SMAP2: variants seen among roughly 807,000 people sequenced by gnomAD.
The protein encoded by SMAP2 is stromal membrane-associated protein 2.
A neutral mutation model predicts 56.4 loss-of-function variants in SMAP2; 25 were observed. The ratio of observed to expected loss-of-function variants is 0.44; its 90% confidence interval spans 0.32 to 0.62. SMAP2 has a LOEUF of 0.62. SMAP2 is among the 20% of genes least tolerant of loss of function. SMAP2 has a pLI of 0.04. For missense variants in SMAP2, 388 were observed against 545.6 expected (o/e 0.71, Z 2.88); for synonymous variants, 157 against 181.7 (o/e 0.86, Z 1.09).
Position 40,386,790 on chromosome 1 carries a change from C to T in SMAP2, c.103+12567C>T, listed in dbSNP as rs929305862. 2.0e-5 allele frequency among the ~76,000 whole-genome samples: 3 copies of T among 151,632 alleles called. No homozygotes were observed. Among genetic ancestry groups the T allele is most frequent in the Admixed American group, 6.6e-5 (1 of 15,230 alleles). Reference sequence around the variant, plus strand: ...TATCTTTTATGATTCTGAAACCTATCCACGATAAAAATCATTGGAAAGTAT... The same window carrying T: ...TATCTTTTATGATTCTGAAACCTATTCACGATAAAAATCATTGGAAAGTAT... On this transcript the variant is annotated intron_variant, in intron 1 of 9. Coordinates refer to ENST00000372718, the MANE Select transcript of SMAP2 (RefSeq NM_022733.3). The surrounding 1 kb of genome is among the most constrained non-coding windows in gnomAD (Gnocchi z 4.1).
chr1:40,418,195 A>G (rs1415756549), intron 9 of SMAP2, among the ~76,000 whole-genome samples: 1 of 152,234 alleles, frequency 6.6e-6, no homozygotes, highest in East Asian at 1.9e-4. Context: ...GCATGCTGTG[A>G]AATGAAAGTT....
chr1:40,382,623 A>G (rs1486186193), intron 1 of SMAP2, among the ~76,000 whole-genome samples: 1 of 152,246 alleles, frequency 6.6e-6, no homozygotes, highest in African/African-American at 2.4e-5. Context: ...CACATTGAAA[A>G]GGTAAGAACC....
chr1:40,422,074 G>T lies in SMAP2; in HGVS notation c.1263G>T (p.Gln421His). Residue 421 changes from glutamine to histidine, a missense_variant, in exon 10 of 10, where the codon CAG becomes CAT. Transcript: ENST00000372718. Reference sequence around the variant, plus strand: ...GCGGAAATGGACAGGCAGCAAATCAGACTCTCAGTCCTCAGATGTGGAAAT... The same window carrying T: ...GCGGAAATGGACAGGCAGCAAATCATACTCTCAGTCCTCAGATGTGGAAAT... The part of the protein sequence containing the change: ...MSGGNGQAAN[Q>H]TLSPQMWK 1 of 1,614,132 alleles carries T rather than the reference G, an allele frequency of 6.2e-7. No homozygotes were observed. Among genetic ancestry groups the T allele is most frequent in the Non-Finnish European group, 8.5e-7 (1 of 1,180,024 alleles).
intron 1 of SMAP2, chr1:40,403,737 C>A: frequency 2.6e-6 from 2 of 780,660 alleles, no homozygotes; most frequent in Non-Finnish European, 3.1e-6. Flanking sequence ...GAAACTAAGG[C>A]TCAGGAAATG....
intron 1 of SMAP2, among the ~76,000 whole-genome samples, chr1:40,398,220 G>A (rs1557439954): frequency 6.6e-6 from 1 of 151,572 alleles, no homozygotes; most frequent in Non-Finnish European, 1.5e-5. Flanking sequence ...CTGTGCATAC[G>A]CGTACATTTA....
chr1:40,421,558 CTGACAG>C (rs902451438), intron 9 of SMAP2, among the ~76,000 whole-genome samples: 4 of 152,176 alleles, frequency 2.6e-5, no homozygotes, highest in African/African-American at 9.7e-5. Flanking sequence ...TTCCCTGACA[CTGACAG>C]TAATAGCTGT....
chr1:40,380,674 C>T (rs1368362850), intron 1 of SMAP2, among the ~76,000 whole-genome samples: 2 of 151,898 alleles, frequency 1.3e-5, no homozygotes, highest in Non-Finnish European at 2.9e-5. Flanking sequence ...GGATTAGAGA[C>T]GCCTGCCACC....
rs967011684 is a variant in SMAP2, at chr1:40,407,770, G to A, written c.238-883G>A. On this transcript the variant is annotated intron_variant, in intron 2 of 9. Transcript: ENST00000372718. ...AAAAGTATATTAAATAGGACAATGT[G>A]TATATTAGATTTATTGTTATCATCT... Among the ~76,000 whole-genome samples the A allele has an allele frequency of 9.2e-5, 14 of 152,186 alleles. 1 individual carries two copies. The highest frequency in any genetic ancestry group is 5.8e-4 in the East Asian group (3 of 5,186).
chr1:40,398,430 A>G (rs376556346), intron 1 of SMAP2, among the ~76,000 whole-genome samples: 11 of 152,270 alleles, frequency 7.2e-5, no homozygotes, highest in East Asian at 5.8e-4. Context: ...GAATTGTTTC[A>G]TGTGTACTCT....
chr1:40,411,975 C>T (rs1052821798), intron 4 of SMAP2, among the ~76,000 whole-genome samples: 4 of 151,974 alleles, frequency 2.6e-5, no homozygotes, highest in Admixed American at 1.3e-4. Flanking sequence ...ACTTCTCGTG[C>T]CTTCATTCCA....
At chr1:40,357,382 G>A (rs1019282304) in intron 1 of SMAP2, among the ~76,000 whole-genome samples, 12 of 152,066 alleles carry the variant, frequency 7.9e-5, no homozygotes, top group African/African-American at 2.9e-4. Context: ...TTGAACCTGG[G>A]AGGCAGAAGT....
chr1:40,415,419 T>A (rs1427402501), intron 7 of SMAP2, 38 bp downstream of exon 7: 1 of 1,303,094 alleles, frequency 7.7e-7, no homozygotes, highest in African/African-American at 1.5e-5. Flanking sequence ...AAGAACATTC[T>A]GAAATGGGTG....
At chr1:40,345,689 T>C (rs1644382559) in intron 1 of SMAP2, among the ~76,000 whole-genome samples, 1 of 151,660 alleles carries the variant, frequency 6.6e-6, no homozygotes, top group Non-Finnish European at 1.5e-5. Flanking sequence ...GTGAATTTAT[T>C]TCCTGATCAG....
chr1:40,358,000 A>G (rs1644444339), intron 1 of SMAP2, among the ~76,000 whole-genome samples: 1 of 151,898 alleles, frequency 6.6e-6, no homozygotes, highest in African/African-American at 2.4e-5. Flanking sequence ...GATTGCATTA[A>G]ATCTGTACAT....
At position 40,408,444 on chromosome 1, in the gene SMAP2, G is replaced by C. The variant is rs779133296; in HGVS notation, c.238-209G>C. ...TTTCAGTAAAAGGAACCTATGGAGTGGGGGAAAGACAGCTTGGGGCAAATG... is the reference window on the plus strand; with the variant it reads ...TTTCAGTAAAAGGAACCTATGGAGTCGGGGAAAGACAGCTTGGGGCAAATG... On this transcript the variant is annotated intron_variant, in intron 2 of 9. Transcript: ENST00000372718. This position sits in a 1 kb window ranked among gnomAD's most constrained non-coding sequence, Gnocchi z 4.3. Among the ~76,000 whole-genome samples the C allele has an allele frequency of 7.9e-5, 12 of 152,172 alleles. No individual in the cohort carries two copies. Among genetic ancestry groups the C allele is most frequent in the African/African-American group, 1.7e-4 (7 of 41,440 alleles).
intron 1 of SMAP2, among the ~76,000 whole-genome samples, chr1:40,379,635 C>G (rs973352165): frequency 2.7e-5 from 4 of 149,890 alleles, no homozygotes; most frequent in Admixed American, 1.3e-4. Context: ...CAAACTCCCC[C>G]TCCCGGGTTC....
intron 5 of SMAP2, 94 bp downstream of exon 5, chr1:40,413,196 CA>C: frequency 1.1e-6 from 1 of 905,884 alleles, no homozygotes; most frequent in Non-Finnish European, 1.8e-6. Flanking sequence ...AGTACCATTG[CA>C]CCATCACAGC....
intron 1 of SMAP2, chr1:40,393,580 C>CTG (rs1644739490): frequency 7.4e-7 from 1 of 1,342,302 alleles, no homozygotes; most frequent in East Asian, 2.8e-5. Context: ...GAGTCTTGCT[C>CTG]TGTCGCCCAG....
chr1:40,358,265 G>A lies in SMAP2; in HGVS notation c.-82-4035G>A, dbSNP rs191254067. The stretch of plus-strand genomic sequence containing the variant: ...ACAGAAATGCTACTGATTTTTGGCC[G>A]GGTGCAGTGGCTCACACCTGTAATC... On this transcript the variant is annotated intron_variant, in intron 1 of 6. Coordinates refer to the SMAP2 transcript ENST00000435168. Among the ~76,000 whole-genome samples, 33 of 152,140 alleles carry A rather than the reference G, an allele frequency of 2.2e-4. No individual in the cohort carries two copies. In the East Asian group the frequency reaches 2.7e-3, roughly 12 times the overall value.
Sources: gnomAD v4.1 joint callset for allele counts (sites outside exome capture counted in the v4.1 genomes callset) on GRCh38, gnomAD v4.1.1 for gene constraint, Gnocchi (gnomAD v3.1) non-coding constraint, MANE v1.5 for transcripts, NCBI Gene and HGNC (gene_info 2026-07-23, HGNC 2026-07-21) for gene names.